The following FAM76A variants were observed in gnomAD, a reference collection of about 807,000 sequenced individuals.
FAM76A encodes protein FAM76A.
Under a neutral mutation model 46.2 loss-of-function variants are expected in FAM76A, and 32 were observed. The ratio of observed to expected loss-of-function variants is 0.69; its 90% confidence interval spans 0.52 to 0.93. The LOEUF is 0.93. Among genes scored for constraint, FAM76A ranks in the 40% least tolerant of loss-of-function variants. The probability of loss-of-function intolerance (pLI) is 0.00; values close to 1 mark genes in which losing one functional copy is unlikely to be tolerated. For missense variants in FAM76A, 274 were observed against 361.5 expected (o/e 0.76, Z 1.96); for synonymous variants, 137 against 127.0 (o/e 1.08, Z -0.53).
In FAM76A at chr1:27,755,193, A is replaced by G; in HGVS notation, c.600-2A>G. ...ATATTTTCCCCTGATTTTTAAATTT[A>G]GCTTCTCCCCAGACCTGGCTCTGGA... On this transcript the variant is annotated splice_acceptor_variant, in intron 6 of 8. Transcript: ENST00000373954. LOFTEE classifies it high-confidence loss of function. 6.2e-7 allele frequency: 1 copy of G among 1,613,128 alleles called. No individual in the cohort carries two copies. Among genetic ancestry groups the G allele is most frequent in the Non-Finnish European group, 8.5e-7 (1 of 1,179,734 alleles).
intron 4 of FAM76A, chr1:27,740,466 ATGG>A: frequency 2.7e-6 from 4 of 1,468,522 alleles, no homozygotes; most frequent in Non-Finnish European, 3.8e-6. Context: ...TAAGAGGTCG[ATGG>A]TGGAGTAGGT....
At chr1:27,749,913 T>A (rs1221861006) in intron 6 of FAM76A, among the ~76,000 whole-genome samples, 1 of 152,224 alleles carries the variant, frequency 6.6e-6, no homozygotes, top group African/African-American at 2.4e-5. Flanking sequence ...ATGCATACTT[T>A]TAGTCCTCAC....
intron 4 of FAM76A, among the ~76,000 whole-genome samples, chr1:27,737,122 T>C (rs1361295517): frequency 6.6e-6 from 1 of 152,072 alleles, no homozygotes; most frequent in Non-Finnish European, 1.5e-5. Context: ...GCTAATTTTG[T>C]ATTTTTAGTA....
chr1:27,745,359 C>G (rs1184185471), intron 5 of FAM76A, among the ~76,000 whole-genome samples: 3 of 151,978 alleles, frequency 2.0e-5, no homozygotes, highest in Non-Finnish European at 4.4e-5. Flanking sequence ...AGTATTACCT[C>G]AAGGGGTTGT....
chr1:27,731,929 C>G (rs1365030340), intron 2 of FAM76A, among the ~76,000 whole-genome samples: 1 of 152,082 alleles, frequency 6.6e-6, no homozygotes, highest in Non-Finnish European at 1.5e-5. Flanking sequence ...TCAAGTGATT[C>G]TCTTGTCTCA....
chr1:27,739,491 A>C (rs2088114088), intron 4 of FAM76A: 7 of 390,360 alleles, frequency 1.8e-5, no homozygotes. Context: ...CTAGTATAAA[A>C]AAAAACTGCA....
rs549979658 is a variant in FAM76A, at chr1:27,745,770, AGGAATG to A, written c.512+962_512+967del. Reference sequence around the variant, plus strand: ...TAGGACGAGTTGGAATCCTCAGGGAAGGAATGGGCAGAGGCATTCTAGGCTGAGAGA... The same window carrying A: ...TAGGACGAGTTGGAATCCTCAGGGAAGGCAGAGGCATTCTAGGCTGAGAGA... On this transcript the variant is annotated intron_variant, in intron 5 of 8. Coordinates refer to ENST00000373954, the MANE Select transcript of FAM76A (RefSeq NM_152660.3). 1.8e-3 allele frequency among the ~76,000 whole-genome samples: 267 copies of A among 152,340 alleles called. 1 individual carries two copies. The highest frequency in any genetic ancestry group is 3.2e-3 in the Non-Finnish European group (218 of 68,032).
intron 2 of FAM76A, among the ~76,000 whole-genome samples, chr1:27,730,940 G>A (rs372456926): frequency 6.6e-6 from 1 of 152,180 alleles, no homozygotes; most frequent in East Asian, 1.9e-4. Flanking sequence ...TGGGATTACA[G>A]GCATGAGCCA....
chr1:27,755,806 C>G (rs1291345193), intron 7 of FAM76A, among the ~76,000 whole-genome samples: 2 of 152,140 alleles, frequency 1.3e-5, no homozygotes, highest in African/African-American at 4.8e-5. Context: ...AACTCCTGGT[C>G]TTAAGTGATC....
In FAM76A at chr1:27,726,168, G is replaced by T. The variant is rs1186237447; in HGVS notation, c.81+7G>T. 7.8e-7 allele frequency: 1 copy of T among 1,276,306 alleles called. No individual in the cohort carries two copies. The highest frequency in any genetic ancestry group is 9.9e-7 in the Non-Finnish European group (1 of 1,011,052). 79.1% of individuals were successfully genotyped at this position (1,276,306 alleles called of 1,614,324 possible). The stretch of plus-strand genomic sequence containing the variant: ...GGGGCAGCAGCTGTGCAAGGTGCGC[G>T]GGCTGGGGCGGCGGCCGGGAACTGG... On this transcript the variant is annotated splice_region_variant and intron_variant, in intron 1 of 8. Transcript: ENST00000373954.
chr1:27,745,968 G>C (rs2148579140), intron 5 of FAM76A, among the ~76,000 whole-genome samples: 1 of 152,310 alleles, frequency 6.6e-6, no homozygotes, highest in Middle Eastern at 3.4e-3. Flanking sequence ...CAGGGTGTTA[G>C]TGGGAAGCTA....
chr1:27,760,870 C>CTTTTTTTTTTTTTTTTT lies in FAM76A; in HGVS notation c.*295_*296insTTTTTTTTTTTTTTTTT, dbSNP rs2088492929. The CTTTTTTTTTTTTTTTTT allele has an allele frequency of 7.0e-5, 3 of 43,154 alleles. No individual in the cohort carries two copies. Among genetic ancestry groups the CTTTTTTTTTTTTTTTTT allele is most frequent in the Admixed American group, 2.4e-4 (1 of 4,188 alleles). The allele number at this position is 43,154 out of a possible 1,614,324, so 2.7% of individuals were successfully genotyped here. ...TATTTTGGTTCTATTCTTTTTTTTT[C>CTTTTTTTTTTTTTTTTT]TTTTTTCTTTTTTTTTTTTTTTTTT... On this transcript the variant is annotated 3_prime_UTR_variant, in exon 9 of 9. Coordinates refer to ENST00000373954, the MANE Select transcript of FAM76A (RefSeq NM_152660.3).
chr1:27,739,964 G>A (rs529040631), intron 4 of FAM76A: 185 of 285,108 alleles, frequency 6.5e-4, no homozygotes, highest in African/African-American at 4.0e-3. Context: ...ATGGCTTTAG[G>A]CTGCAAGATT....
At chr1:27,755,043 G>T (rs2088387077) in intron 6 of FAM76A, 152 bp from the exon 7 acceptor site, 2 of 788,296 alleles carry the variant, frequency 2.5e-6, no homozygotes, top group South Asian at 1.8e-5. Flanking sequence ...CTCAGCAAGT[G>T]CCGTTGAGCC....
intron 4 of FAM76A, chr1:27,740,386 G>A (rs115025606): frequency 0.023 from 30,094 of 1,317,164 alleles, 471 homozygotes; most frequent in Non-Finnish European, 0.028. Flanking sequence ...CCTGGGTTTG[G>A]AAGGCAGAAA....
At position 27,752,070 on chromosome 1, in the gene FAM76A, A is replaced by G. The variant is rs368490208; in HGVS notation, c.599+2916A>G. On this transcript the variant is annotated intron_variant, in intron 6 of 8. Coordinates refer to ENST00000373954, the MANE Select transcript of FAM76A (RefSeq NM_152660.3). ...ATTATAGGCATGAGCCACCAGACCC[A>G]GCCCCTAAAATATTCATATACTTTT... Among the ~76,000 whole-genome samples the G allele has an allele frequency of 5.2e-4, 79 of 152,328 alleles. 2 individuals carry two copies. Among genetic ancestry groups the G allele is most frequent in the Admixed American group, 8.5e-4 (13 of 15,296 alleles).
chr1:27,759,407 T>TA, intron 7 of FAM76A, 119 bp from the exon 8 acceptor site: 1 of 591,310 alleles, frequency 1.7e-6, no homozygotes, highest in South Asian at 2.5e-5. Context: ...TTGATTTAGA[T>TA]ACGGATCTGC....
In FAM76A at chr1:27,734,134, A is replaced by C. The variant is rs780586851; in HGVS notation, c.305A>C (p.Glu102Ala). The stretch of plus-strand genomic sequence containing the variant: ...AAGTATGGACCACCCTATTCTTGTG[A>C]ACAGTGCAAGCAGCAGTGTGCATTT... ...EKKYGPPYSCEQCKQQCAFDR... is the reference protein window; with the variant it reads ...EKKYGPPYSCAQCKQQCAFDR... Residue 102 changes from glutamate to alanine, a missense_variant, in exon 4 of 9, where the codon GAA becomes GCA. By Grantham distance (107) the Glu-to-Ala change is moderately radical. Coordinates refer to ENST00000373954, the MANE Select transcript of FAM76A (RefSeq NM_152660.3). 1 of 1,612,558 alleles carries C rather than the reference A, an allele frequency of 6.2e-7. No homozygotes were observed. The highest frequency in any genetic ancestry group is 2.2e-5 in the East Asian group (1 of 44,786).
chr1:27,755,070 A>G, intron 6 of FAM76A, 125 bp from the exon 7 acceptor site: 1 of 1,021,532 alleles, frequency 9.8e-7, no homozygotes, highest in Non-Finnish European at 1.5e-6. Flanking sequence ...GTGTGGTGCA[A>G]TGTGCTTGAT....
Sources: allele counts gnomAD v4.1 joint callset (sites outside exome capture counted in the v4.1 genomes callset), GRCh38; gene constraint gnomAD v4.1.1; transcripts MANE v1.5; gene names NCBI Gene and HGNC (gene_info 2026-07-23, HGNC 2026-07-21).